Variants in PDE4B observed in about 807,000 individuals in gnomAD.
The protein encoded by PDE4B is phosphodiesterase 4B.
PDE4B carries 20 observed loss-of-function variants against 82.2 expected under a neutral mutation model. The ratio of observed to expected loss-of-function variants is 0.24; its 90% CI spans 0.17 to 0.35. PDE4B has a LOEUF of 0.35. PDE4B is among the 10% of genes least tolerant of loss of function. The pLI is 1.00. For missense variants in PDE4B, 655 were observed against 907.2 expected (o/e 0.72, Z 3.57); for synonymous variants, 320 against 318.9 (o/e 1.00, Z -0.04).
chr1:65,952,980 T>C (rs1188803643), intron 3 of PDE4B, among the ~76,000 whole-genome samples: 3 of 152,104 alleles, frequency 2.0e-5, no homozygotes, highest in Admixed American at 1.3e-4. Flanking sequence ...TCTCAGAGAC[T>C]AGCTCTCAGG....
intron 1 of PDE4B, among the ~76,000 whole-genome samples, chr1:65,875,968 A>G (rs977514477): frequency 1.6e-4 from 24 of 151,086 alleles, no homozygotes; most frequent in East Asian, 1.2e-3. Flanking sequence ...AAAAATGGGG[A>G]AAAAAAAAGA....
At chr1:65,867,632 T>C (rs1018694051) in intron 1 of PDE4B, among the ~76,000 whole-genome samples, 1 of 152,338 alleles carries the variant, frequency 6.6e-6, no homozygotes, top group East Asian at 1.9e-4. Context: ...ATACAGATAT[T>C]GTCATTTCTA....
chr1:66,062,669 C>T (rs573956864), intron 3 of PDE4B, among the ~76,000 whole-genome samples: 1 of 152,078 alleles, frequency 6.6e-6, no homozygotes, highest in South Asian at 2.1e-4. Flanking sequence ...GAATTTCAGC[C>T]TTTGGTAGAA....
chr1:66,226,891 A>G (rs1368853911), intron 3 of PDE4B, among the ~76,000 whole-genome samples: 1 of 152,258 alleles, frequency 6.6e-6, no homozygotes, highest in Non-Finnish European at 1.5e-5. Flanking sequence ...AAAAATCCTC[A>G]TAACAGATAA....
At chr1:66,182,832 G>A (rs1647098624) in intron 3 of PDE4B, among the ~76,000 whole-genome samples, 1 of 152,160 alleles carries the variant, frequency 6.6e-6, no homozygotes, top group Non-Finnish European at 1.5e-5. Context: ...GGCTGTTATA[G>A]CCTTTCAGAT....
chr1:65,926,716 T>C (rs1311601570), intron 3 of PDE4B, among the ~76,000 whole-genome samples: 1 of 152,136 alleles, frequency 6.6e-6, no homozygotes, highest in East Asian at 1.9e-4. Flanking sequence ...TTACTTCACT[T>C]CTTTTGCTTT....
chr1:65,948,347 C>G (rs1340648661), intron 3 of PDE4B, among the ~76,000 whole-genome samples: 2 of 151,784 alleles, frequency 1.3e-5, no homozygotes, highest in Non-Finnish European at 2.9e-5. Flanking sequence ...TATGTATTAA[C>G]TTACATGATC....
At chr1:66,330,055 T>G (rs1359801340) in intron 7 of PDE4B, among the ~76,000 whole-genome samples, 1 of 152,204 alleles carries the variant, frequency 6.6e-6, no homozygotes, top group African/African-American at 2.4e-5. Context: ...ATCCCCCTAT[T>G]TAGTACACTC....
In PDE4B at chr1:65,924,321, G is replaced by A. The variant is rs962724584; in HGVS notation, c.281+5486G>A. On this transcript the variant is annotated intron_variant, in intron 3 of 16. Transcript: ENST00000341517. ...GATCTCCTGACCTCGTGATCCGCCC[G>A]CCTCGGCCTCCCAAAGTGCTGGGAT... Among the ~76,000 whole-genome samples the A allele has an allele frequency of 6.0e-5, 9 of 150,698 alleles. No homozygotes were observed. The East Asian group carries it at 1.6e-3, about 26-fold the overall frequency.
intron 3 of PDE4B, among the ~76,000 whole-genome samples, chr1:66,037,125 C>CAAA (rs71058446): frequency 0.011 from 991 of 86,622 alleles, 20 homozygotes; most frequent in African/African-American, 0.038. Flanking sequence ...GACTCTGCCT[C>CAAA]AAAAAAAAAA....
chr1:65,822,146 G>T (rs1423576451), intron 1 of PDE4B, among the ~76,000 whole-genome samples: 1 of 152,104 alleles, frequency 6.6e-6, no homozygotes, highest in Non-Finnish European at 1.5e-5. Context: ...ATGCCATACT[G>T]TGTGTAATCT....
At chr1:66,337,381 C>G (rs1660609326) in intron 8 of PDE4B, among the ~76,000 whole-genome samples, 2 of 152,212 alleles carry the variant, frequency 1.3e-5, no homozygotes, top group Non-Finnish European at 2.9e-5. Flanking sequence ...GTCCAAATGG[C>G]TTTGAACCCA....
intron 7 of PDE4B, among the ~76,000 whole-genome samples, chr1:66,312,903 A>C (rs1368909768): frequency 2.0e-5 from 3 of 152,150 alleles, no homozygotes; most frequent in Non-Finnish European, 2.9e-5. Flanking sequence ...GAAAAAGTTT[A>C]CCTCTGCTCT....
intron 3 of PDE4B, among the ~76,000 whole-genome samples, chr1:66,074,625 G>GT (rs1656321844): frequency 6.6e-6 from 1 of 151,978 alleles, no homozygotes; most frequent in Non-Finnish European, 1.5e-5. Context: ...CATTGAACCA[G>GT]TTGCTCCTCA....
chr1:66,028,182 C>T lies in PDE4B; in HGVS notation c.281+109347C>T, dbSNP rs139996776. 4.5e-3 allele frequency among the ~76,000 whole-genome samples: 687 copies of T among 152,340 alleles called. 5 individuals carry two copies. The highest frequency in any genetic ancestry group is 0.012 in the Admixed American group (187 of 15,308). On this transcript the variant is annotated intron_variant, in intron 3 of 16. Transcript: ENST00000341517. ...GAAATCTAGGCGGAGGTTCACAAAC[C>T]TCAGTTCTTGAATTCTGTGCATCTC...
rs1191686824 is a variant in PDE4B, at chr1:66,112,061, A to C, written c.282-135399A>C. Among the ~76,000 whole-genome samples the C allele has an allele frequency of 4.6e-5, 7 of 152,226 alleles. No homozygotes were observed. The South Asian group carries it at 8.3e-4, about 18-fold the overall frequency. ...AAATTACCAAAGAGCAATGTATATA[A>C]AAAGTTGATTAATTTATATACATTG... is the stretch of plus-strand genomic sequence containing the variant. On this transcript the variant is annotated intron_variant, in intron 3 of 16. Transcript: ENST00000341517.
chr1:66,325,443 G>A (rs1402776383), intron 7 of PDE4B, among the ~76,000 whole-genome samples: 2 of 152,144 alleles, frequency 1.3e-5, no homozygotes, highest in African/African-American at 2.4e-5. Flanking sequence ...CCAGCAGCAG[G>A]CTTGGCACAT....
intron 7 of PDE4B, among the ~76,000 whole-genome samples, chr1:66,301,349 GATC>G (rs1457725904): frequency 6.6e-6 from 1 of 152,104 alleles, no homozygotes; most frequent in Non-Finnish European, 1.5e-5. Flanking sequence ...CTGAGTCAGA[GATC>G]ATGATATTCA....
At chr1:66,354,490 T>A in intron 8 of PDE4B, 1 of 1,043,296 alleles carries the variant, frequency 9.6e-7, no homozygotes, top group Non-Finnish European at 1.2e-6. Flanking sequence ...AGGACTAATG[T>A]AGAAGAGTGG....
Sources: gnomAD v4.1 joint callset for allele counts (sites outside exome capture counted in the v4.1 genomes callset) on GRCh38, gnomAD v4.1.1 for gene constraint, MANE v1.5 for transcripts, NCBI Gene and HGNC (gene_info 2026-07-23, HGNC 2026-07-21) for gene names.